The following PTPRD variants were observed in gnomAD, a reference collection of about 807,000 sequenced individuals.
The protein encoded by PTPRD is receptor-type tyrosine-protein phosphatase delta.
PTPRD carries 34 observed loss-of-function variants against 214.5 expected under a neutral mutation model. The observed-to-expected ratio is 0.16, with a 90% CI of 0.12 to 0.21. The LOEUF is 0.21. Ranked by LOEUF, PTPRD falls within the 10% of genes least tolerant of loss-of-function variation. PTPRD has a pLI of 1.00. For synonymous variants in PTPRD, 1,128 were observed against 845.7 expected, an observed-to-expected ratio of 1.33 and a Z score of -5.79; for missense variants, 2,545 against 2,398.7, an observed-to-expected ratio of 1.06 and a Z score of -1.27.
At chr9:10,564,448 A>G (rs2131646636) in intron 2 of PTPRD, among the ~76,000 whole-genome samples, 1 of 151,814 alleles carries the variant, frequency 6.6e-6, no homozygotes, top group South Asian at 2.1e-4. Context: ...ATTAAAAGAA[A>G]AAAAAAAAAG....
intron 37 of PTPRD, among the ~76,000 whole-genome samples, chr9:8,380,686 T>A (rs2084769317): frequency 6.6e-6 from 1 of 152,200 alleles, no homozygotes; most frequent in Admixed American, 6.5e-5. Context: ...TTAAATTTAT[T>A]TTTAAAACTC....
At chr9:10,005,623 A>G (rs1425751506) in intron 4 of PTPRD, among the ~76,000 whole-genome samples, 1 of 152,126 alleles carries the variant, frequency 6.6e-6, no homozygotes, top group Non-Finnish European at 1.5e-5. Flanking sequence ...GCATAAGCAG[A>G]TGGTTATGTG....
chr9:9,008,596 A>T (rs1363777553), intron 11 of PTPRD, among the ~76,000 whole-genome samples: 1 of 152,104 alleles, frequency 6.6e-6, no homozygotes, highest in Non-Finnish European at 1.5e-5. Flanking sequence ...AAAAGGATGG[A>T]GTTAACTTTG....
intron 12 of PTPRD, among the ~76,000 whole-genome samples, chr9:8,711,169 ATATG>A (rs2098325666): frequency 6.6e-6 from 1 of 152,090 alleles, no homozygotes; most frequent in South Asian, 2.1e-4. Context: ...CTACCAATAT[ATATG>A]TAAGATAATA....
At chr9:10,310,974 T>G (rs1015695101) in intron 3 of PTPRD, among the ~76,000 whole-genome samples, 7 of 152,078 alleles carry the variant, frequency 4.6e-5, no homozygotes, top group Non-Finnish European at 7.4e-5. Context: ...AAGAAGCATG[T>G]GTGGTAAATG....
chr9:8,889,106 T>A (rs941469748), intron 11 of PTPRD, among the ~76,000 whole-genome samples: 1 of 152,114 alleles, frequency 6.6e-6, no homozygotes, highest in African/African-American at 2.4e-5. Flanking sequence ...CCCAAGAGGG[T>A]ATAAACCAAG....
intron 30 of PTPRD, among the ~76,000 whole-genome samples, chr9:8,479,130 G>C (rs142553150): frequency 1.3e-5 from 2 of 152,208 alleles, no homozygotes; most frequent in Admixed American, 6.5e-5. Context: ...ACCACGGCAA[G>C]TGACACAGCA....
intron 3 of PTPRD, among the ~76,000 whole-genome samples, chr9:10,234,321 C>T (rs996636545): frequency 1.3e-4 from 20 of 151,882 alleles, no homozygotes; most frequent in African/African-American, 4.8e-4. Flanking sequence ...AGAAGACTAA[C>T]AGAGATCTGC....
chr9:8,771,696 GATAATT>G (rs2095224950), intron 11 of PTPRD, among the ~76,000 whole-genome samples: 1 of 151,946 alleles, frequency 6.6e-6, no homozygotes, highest in East Asian at 1.9e-4. Context: ...ATACTTAAAG[GATAATT>G]ATAAGAGAAC....
intron 8 of PTPRD, among the ~76,000 whole-genome samples, chr9:9,507,438 G>A (rs1047532126): frequency 6.6e-6 from 1 of 150,648 alleles, no homozygotes. Context: ...AAAATATAAT[G>A]GTTTTCTTAG....
chr9:10,141,411 T>C (rs2098984078), intron 3 of PTPRD, among the ~76,000 whole-genome samples: 1 of 152,100 alleles, frequency 6.6e-6, no homozygotes, highest in South Asian at 2.1e-4. Flanking sequence ...AGTCTCAGGA[T>C]ACAAAATCAA....
chr9:9,952,413 T>A (rs1467955885), intron 4 of PTPRD, among the ~76,000 whole-genome samples: 1 of 152,146 alleles, frequency 6.6e-6, no homozygotes, highest in Non-Finnish European at 1.5e-5. Flanking sequence ...GAAATGGTGT[T>A]CCTGGGGCAA....
chr9:8,880,306 C>T (rs2098434032), intron 11 of PTPRD, among the ~76,000 whole-genome samples: 1 of 152,124 alleles, frequency 6.6e-6, no homozygotes, highest in African/African-American at 2.4e-5. Context: ...GATTGTAAAT[C>T]CTCTCTCAAG....
chr9:8,844,672 G>A (rs2097649890), intron 11 of PTPRD, among the ~76,000 whole-genome samples: 1 of 152,152 alleles, frequency 6.6e-6, no homozygotes, highest in South Asian at 2.1e-4. Flanking sequence ...TTTCAAGGAA[G>A]ATGGGTATAA....
At chr9:9,069,480 G>C (rs761896339) in intron 10 of PTPRD, among the ~76,000 whole-genome samples, 1 of 152,162 alleles carries the variant, frequency 6.6e-6, no homozygotes, top group African/African-American at 2.4e-5. Context: ...TAAACTTAAA[G>C]CATTACTGAC....
chr9:8,560,464 CACACACACAT>C (rs1344985162), intron 14 of PTPRD, among the ~76,000 whole-genome samples: 2 of 138,980 alleles, frequency 1.4e-5, no homozygotes, highest in African/African-American at 6.3e-5. Context: ...CACACACACA[CACACACACAT>C]ATATACACTG....
At position 10,247,754 on chromosome 9, in the gene PTPRD, C is replaced by G. The variant is rs145920566; in HGVS notation, c.-545+93209G>C. The stretch of plus-strand genomic sequence containing the variant: ...GGAGCCAGAGGAGAGAAAGAAGTGG[C>G]AAGGGAGATAAGAGGATTATGTCCC... On this transcript the variant is annotated intron_variant, in intron 3 of 45. Coordinates refer to ENST00000381196, the MANE Select transcript of PTPRD (RefSeq NM_002839.4). 2.6e-4 allele frequency among the ~76,000 whole-genome samples: 40 copies of G among 152,120 alleles called. No individual in the cohort carries two copies. The East Asian group carries it at 7.6e-3, about 29-fold the overall frequency.
chr9:10,610,504 ATTAAGT>A (rs776565630), intron 2 of PTPRD, among the ~76,000 whole-genome samples: 41 of 149,602 alleles, frequency 2.7e-4, no homozygotes, highest in East Asian at 1.6e-3. Flanking sequence ...TTTTTCAATA[ATTAAGT>A]TTTTTTTTTT....
At chr9:10,410,273 A>G (rs2098420439) in intron 2 of PTPRD, among the ~76,000 whole-genome samples, 1 of 143,090 alleles carries the variant, frequency 7.0e-6, no homozygotes, top group South Asian at 2.2e-4. Flanking sequence ...ATATATATAC[A>G]CACACACACA....
Sources: allele counts gnomAD v4.1 joint callset (sites outside exome capture counted in the v4.1 genomes callset), GRCh38; gene constraint gnomAD v4.1.1; transcripts MANE v1.5; gene names NCBI Gene and HGNC (gene_info 2026-07-23, HGNC 2026-07-21).